NHSL1: variants seen among roughly 807,000 people sequenced by gnomAD.
NHSL1 encodes NHS-like protein 1.
NHSL1 carries 48 observed loss-of-function variants against 95.0 expected under a neutral mutation model. That is an observed-to-expected ratio of 0.51 (90% CI 0.40 to 0.64). NHSL1 has a LOEUF of 0.64. Among genes scored for constraint, NHSL1 ranks in the 30% least tolerant of loss-of-function variants. The pLI, the probability that NHSL1 is intolerant of heterozygous loss-of-function variation, is 0.00. For missense variants in NHSL1, 1,971 were observed against 2,077.7 expected, an observed-to-expected ratio of 0.95 and a Z score of 1.00; for synonymous variants, 783 against 833.9, an observed-to-expected ratio of 0.94 and a Z score of 1.05.
At chr6:138,577,598 T>C (rs907237624) in intron 1 of NHSL1, among the ~76,000 whole-genome samples, 1 of 152,214 alleles carries the variant, frequency 6.6e-6, no homozygotes, top group Non-Finnish European at 1.5e-5. Context: ...TGTCACGTTC[T>C]GAAGTGGCCC....
intron 1 of NHSL1, among the ~76,000 whole-genome samples, chr6:138,498,132 C>A (rs767937940): frequency 2.0e-5 from 3 of 152,168 alleles, no homozygotes; most frequent in Admixed American, 6.5e-5. Flanking sequence ...ATATGTCCCC[C>A]CAAAGTGTAG....
chr6:138,577,142 T>C (rs1783984005), upstream of NHSL1, among the ~76,000 whole-genome samples: 1 of 152,234 alleles, frequency 6.6e-6, no homozygotes, highest in Admixed American at 6.5e-5. Context: ...TGTTTCAGCA[T>C]ATACTGGCAT....
chr6:138,432,233 G>C lies in NHSL1; in HGVS notation c.2112C>G (p.Leu704=). The C allele has an allele frequency of 6.5e-7, 1 of 1,549,006 alleles. No individual in the cohort carries two copies. The change falls in exon 6 of 8, where the codon CTC becomes CTG. Residue 704 remains leucine (L), a synonymous_variant. Transcript: ENST00000343505. This position sits in a 1 kb window ranked among gnomAD's most constrained non-coding sequence, Gnocchi z 4.4. The part of the protein sequence containing the change: ...QVLNESLIAT[L]QHSLQLSLPG... ...GGAGGCTCAGCTGCAGCGAGTGCTG[G>C]AGTGTGGCGATCAGGCTCTCGTTGA...
intron 1 of NHSL1, among the ~76,000 whole-genome samples, chr6:138,609,610 C>A (rs969639072): frequency 6.6e-6 from 1 of 151,956 alleles, no homozygotes; most frequent in Admixed American, 6.6e-5. Flanking sequence ...ATTAGCCAGG[C>A]CTGGTGGCAG....
chr6:138,424,161 CG>C lies in NHSL1; in HGVS notation c.4740del (p.Gly1581AlafsTer22). On this transcript the variant is annotated frameshift_variant, in exon 8 of 8. Coordinates refer to ENST00000343505, the MANE Select transcript of NHSL1 (RefSeq NM_001144060.2). LOFTEE classifies it low-confidence loss of function (END_TRUNC). The surrounding 1 kb of genome is among the most constrained non-coding windows in gnomAD (Gnocchi z 5.9). ...GPAASLQPQA[P>X]GPVDGTASAE... ...GCACTGGCTGTCCCATCCACAGGGCCGGGGGCCTGGGGCTGCAGGGAGGCGG... is the reference window on the plus strand; with the variant it reads ...GCACTGGCTGTCCCATCCACAGGGCCGGGGCCTGGGGCTGCAGGGAGGCGG... The C allele has an allele frequency of 6.9e-7, 1 of 1,453,520 alleles. No individual in the cohort carries two copies. Among genetic ancestry groups the C allele is most frequent in the Non-Finnish European group, 9.0e-7 (1 of 1,107,460 alleles). The allele number at this position is 1,453,520 out of a possible 1,614,324, so 90.0% of individuals were successfully genotyped here.
intron 1 of NHSL1, among the ~76,000 whole-genome samples, chr6:138,531,353 G>T (rs1295888225): frequency 6.6e-6 from 1 of 152,090 alleles, no homozygotes; most frequent in Non-Finnish European, 1.5e-5. Context: ...AGAATACTGT[G>T]GTATTTCCTC....
intron 1 of NHSL1, among the ~76,000 whole-genome samples, chr6:138,507,695 A>G (rs1781029638): frequency 6.6e-6 from 1 of 152,258 alleles, no homozygotes; most frequent in Admixed American, 6.5e-5. Flanking sequence ...TAACTGTCCC[A>G]CGAATGTTAT....
rs1313197908 is a variant in NHSL1 at position 138,605,626 on chromosome 6, T to C, written c.96+86850A>G. On this transcript the variant is annotated intron_variant, in intron 1 of 3. Transcript: ENST00000491526. The stretch of plus-strand genomic sequence containing the variant: ...CCCACCACGACTTTGATTTGAAAGC[T>C]ATTTCTAAGACATCAGGCACAAATA... Among the ~76,000 whole-genome samples the C allele has an allele frequency of 2.6e-5, 4 of 152,240 alleles. No homozygotes were observed. The East Asian group carries it at 7.7e-4, about 29-fold the overall frequency.
At chr6:138,518,623 G>A (rs1781550190) in intron 1 of NHSL1, among the ~76,000 whole-genome samples, 1 of 151,952 alleles carries the variant, frequency 6.6e-6, no homozygotes, top group Admixed American at 6.6e-5. Flanking sequence ...AACTAGAAAT[G>A]TTTATGTTTG....
At chr6:138,539,133 T>C (rs182018642) in intron 1 of NHSL1, among the ~76,000 whole-genome samples, 1 of 152,322 alleles carries the variant, frequency 6.6e-6, no homozygotes, top group East Asian at 1.9e-4. Context: ...ATCAAATAGT[T>C]TGTCATTCTG....
intron 1 of NHSL1, among the ~76,000 whole-genome samples, chr6:138,638,444 A>G (rs1784916779): frequency 6.6e-6 from 1 of 152,218 alleles, no homozygotes; most frequent in Admixed American, 6.5e-5. Flanking sequence ...AAAACATCTC[A>G]TGTACCTCAT....
chr6:138,615,391 TC>T (rs1784565391), intron 1 of NHSL1, among the ~76,000 whole-genome samples: 1 of 152,272 alleles, frequency 6.6e-6, no homozygotes, highest in Non-Finnish European at 1.5e-5. Context: ...AAAAAGACAT[TC>T]AGGTTATCTA....
At chr6:138,503,368 G>A (rs918641758), upstream of NHSL1, among the ~76,000 whole-genome samples, 7 of 152,108 alleles carry the variant, frequency 4.6e-5, no homozygotes, top group Non-Finnish European at 1.0e-4. Context: ...AACTTGAATG[G>A]TTTTGTTAGT....
Position 138,485,655 on chromosome 6 carries a change from T to C in NHSL1, c.211+10564A>G, listed in dbSNP as rs146443093. 1.3e-4 allele frequency among the ~76,000 whole-genome samples: 20 copies of C among 152,278 alleles called. No individual in the cohort carries two copies. The East Asian group carries it at 3.3e-3, about 25-fold the overall frequency. On this transcript the variant is annotated intron_variant, in intron 2 of 7. Transcript: ENST00000343505. ...GAAAATTCCGTGCCATCAAATTCAATAGGAGAAGTTAAATAGCCCCTTTTT... is the reference window on the plus strand; with the variant it reads ...GAAAATTCCGTGCCATCAAATTCAACAGGAGAAGTTAAATAGCCCCTTTTT...
Position 138,544,079 on chromosome 6 carries a change from T to C in NHSL1, c.16+1544A>G, listed in dbSNP as rs552232658. ...TAGGTGGAGAAAAATATGTTGAAGC[T>C]GCAGATGTCCTACCCAGTAACAATT... On this transcript the variant is annotated intron_variant, in intron 1 of 4. Coordinates refer to the NHSL1 transcript ENST00000342260. 5.1e-4 allele frequency among the ~76,000 whole-genome samples: 78 copies of C among 152,320 alleles called. 1 individual carries two copies. In the South Asian group the frequency reaches 0.015, roughly 30 times the overall value.
intron 7 of NHSL1, among the ~76,000 whole-genome samples, chr6:138,427,447 A>G (rs1201774053): frequency 6.6e-6 from 1 of 152,036 alleles, no homozygotes; most frequent in Non-Finnish European, 1.5e-5. Context: ...CTGTATCAAA[A>G]AGAAAAAAAA....
intron 1 of NHSL1, chr6:138,650,288 G>C: frequency 1.5e-6 from 1 of 686,786 alleles, no homozygotes; most frequent in Non-Finnish European, 2.7e-6. Context: ...GGAAGAGCTG[G>C]CCCTACATAC....
chr6:138,440,767 G>T (rs1776476773), intron 5 of NHSL1, among the ~76,000 whole-genome samples: 1 of 152,224 alleles, frequency 6.6e-6, no homozygotes. Flanking sequence ...CCCAGAAGGT[G>T]ACATACAACC....
chr6:138,476,023 G>A (rs570996536), intron 2 of NHSL1, among the ~76,000 whole-genome samples: 1 of 152,256 alleles, frequency 6.6e-6, no homozygotes, highest in East Asian at 1.9e-4. Flanking sequence ...TAGACAAAAG[G>A]AAACATTTAC....
Sources: allele counts gnomAD v4.1 joint callset (sites outside exome capture counted in the v4.1 genomes callset), GRCh38; gene constraint gnomAD v4.1.1; non-coding constraint Gnocchi (gnomAD v3.1); transcripts MANE v1.5; gene names NCBI Gene and HGNC (gene_info 2026-07-23, HGNC 2026-07-21).